The following HDAC9 variants were observed in gnomAD, a reference collection of about 807,000 sequenced individuals.
HDAC9 encodes the protein histone deacetylase 9, also known as MEF-2 interacting transcription repressor (MITR) protein.
A neutral mutation model predicts 139.4 loss-of-function variants in HDAC9; 41 were observed. The observed-to-expected ratio is 0.29, with a 90% CI of 0.23 to 0.38. The LOEUF (loss-of-function observed/expected upper bound fraction) is 0.38. HDAC9 is among the 10% of genes least tolerant of loss of function. HDAC9 has a pLI of 1.00. For synonymous variants in HDAC9, 517 were observed against 476.2 expected, an observed-to-expected ratio of 1.09 and a Z score of -1.12; for missense variants, 1,147 against 1,297.0, an observed-to-expected ratio of 0.88 and a Z score of 1.78.
intron 23 of HDAC9, among the ~76,000 whole-genome samples, chr7:18,943,730 A>G (rs576170710): frequency 5.0e-4 from 76 of 152,140 alleles, no homozygotes; most frequent in Non-Finnish European, 8.1e-4. Flanking sequence ...AATTCCTGCA[A>G]TATCTCATGT....
chr7:18,628,031 C>T (rs1456130346), intron 6 of HDAC9, among the ~76,000 whole-genome samples: 1 of 152,128 alleles, frequency 6.6e-6, no homozygotes, highest in African/African-American at 2.4e-5. Context: ...GTAAGTTCTA[C>T]CTTTGATATC....
chr7:18,206,209 A>G (rs975165442), intron 2 of HDAC9, among the ~76,000 whole-genome samples: 2 of 152,154 alleles, frequency 1.3e-5, no homozygotes, highest in African/African-American at 2.4e-5. Context: ...TGTAATTTCT[A>G]TCATTGCAGC....
At chr7:18,920,410 T>C (rs1057345283) in intron 22 of HDAC9, among the ~76,000 whole-genome samples, 1 of 152,136 alleles carries the variant, frequency 6.6e-6, no homozygotes, top group Non-Finnish European at 1.5e-5. Context: ...CAATGGGGTT[T>C]TCTAGATATA....
At chr7:18,321,814 C>T (rs1272766338) in intron 1 of HDAC9, among the ~76,000 whole-genome samples, 1 of 152,094 alleles carries the variant, frequency 6.6e-6, no homozygotes, top group Non-Finnish European at 1.5e-5. Context: ...TTGTTATCCA[C>T]TTCTTTTAAA....
intron 22 of HDAC9, among the ~76,000 whole-genome samples, chr7:18,904,424 A>G (rs1802012094): frequency 6.6e-6 from 1 of 152,178 alleles, no homozygotes; most frequent in Non-Finnish European, 1.5e-5. Context: ...ATAAAAGTTA[A>G]AATCTATATG....
At chr7:18,356,358 G>GGTTTTT (rs778753255) in intron 1 of HDAC9, among the ~76,000 whole-genome samples, 1 of 55,140 alleles carries the variant, frequency 1.8e-5, no homozygotes, top group Non-Finnish European at 3.1e-5. Flanking sequence ...CAGCACATAG[G>GGTTTTT]TTTTTTTTTT....
chr7:18,281,995 A>G (rs1213728747), intron 2 of HDAC9, among the ~76,000 whole-genome samples: 2 of 152,186 alleles, frequency 1.3e-5, no homozygotes, highest in Non-Finnish European at 2.9e-5. Context: ...TCTTGACTCA[A>G]TAGGATTATG....
chr7:18,427,336 G>T (rs1246682790), intron 1 of HDAC9, among the ~76,000 whole-genome samples: 2 of 152,056 alleles, frequency 1.3e-5, no homozygotes, highest in Non-Finnish European at 2.9e-5. Context: ...TCATTAGCAG[G>T]GGTAAGATGT....
chr7:18,872,041 C>T (rs1484448655), intron 21 of HDAC9, among the ~76,000 whole-genome samples: 1 of 152,098 alleles, frequency 6.6e-6, no homozygotes, highest in Non-Finnish European at 1.5e-5. Context: ...CTATGTAGTT[C>T]TTCAATGTAA....
intron 25 of HDAC9, among the ~76,000 whole-genome samples, chr7:18,976,291 T>G (rs1462965332): frequency 6.6e-6 from 1 of 152,216 alleles, no homozygotes; most frequent in East Asian, 1.9e-4. Context: ...CCTAGTTATC[T>G]CTGTTTTTCC....
chr7:18,253,406 C>G lies in HDAC9; in HGVS notation c.25+91057C>G, dbSNP rs367765233. Among the ~76,000 whole-genome samples the G allele has an allele frequency of 1.9e-4, 29 of 152,230 alleles. No homozygotes were observed. In the South Asian group the frequency reaches 5.0e-3, roughly 26 times the overall value. On this transcript the variant is annotated intron_variant, in intron 2 of 12. Coordinates refer to the HDAC9 transcript ENST00000417496. The stretch of plus-strand genomic sequence containing the variant: ...GCATTCCTTTTTCTCCAAAACGTTG[C>G]CAACACTTGTTATTTTTTAACTTTT...
At chr7:18,525,448 TTAAAA>T (rs1349331891) in intron 2 of HDAC9, among the ~76,000 whole-genome samples, 15 of 152,312 alleles carry the variant, frequency 9.8e-5, no homozygotes, top group African/African-American at 3.4e-4. Flanking sequence ...GTGAGTATTC[TTAAAA>T]TAAATATAAT....
intron 2 of HDAC9, among the ~76,000 whole-genome samples, chr7:18,575,843 A>G (rs1241184639): frequency 3.9e-5 from 6 of 152,178 alleles, no homozygotes; most frequent in African/African-American, 1.4e-4. Context: ...TTATTCATTC[A>G]TTCATTCATT....
intron 1 of HDAC9, among the ~76,000 whole-genome samples, chr7:18,393,729 C>G (rs983142255): frequency 1.3e-5 from 2 of 152,134 alleles, no homozygotes; most frequent in Non-Finnish European, 2.9e-5. Context: ...ATGCTGAAAG[C>G]TTAGGAAGCT....
rs183749882 is a variant in HDAC9 at position 18,791,747 on chromosome 7, G to A, written c.2215-1598G>A. 2.9e-4 allele frequency among the ~76,000 whole-genome samples: 44 copies of A among 152,302 alleles called. 1 individual carries two copies. Among genetic ancestry groups the A allele is most frequent in the South Asian group, 6.2e-4 (3 of 4,820 alleles). ...TTCAGAACAGCCTTTCTAAGCCACA[G>A]TGTACTCATTCAATCAACACGTAGG... On this transcript the variant is annotated intron_variant, in intron 16 of 25. Coordinates refer to ENST00000686413, the MANE Select transcript of HDAC9 (RefSeq NM_178425.4).
rs545574403 is a variant in HDAC9, at chr7:18,183,073, A to C, written c.25+20724A>C. On this transcript the variant is annotated intron_variant, in intron 2 of 12. Coordinates refer to the HDAC9 transcript ENST00000417496. ...TGCCCGTGCTGGAGTGCAGTGGCGC[A>C]ATCTCGGCTCACTGCAAGCTCCGCC... Among the ~76,000 whole-genome samples, 596 of 151,102 alleles carry C rather than the reference A, an allele frequency of 3.9e-3. 5 individuals are homozygous for C. Among genetic ancestry groups the C allele is most frequent in the African/African-American group, 0.013 (537 of 41,122 alleles).
intron 1 of HDAC9, among the ~76,000 whole-genome samples, chr7:18,306,192 A>G (rs1376061134): frequency 4.6e-5 from 7 of 152,308 alleles, no homozygotes; most frequent in Non-Finnish European, 1.0e-4. Flanking sequence ...ACACAGGGTG[A>G]GGAGCTGGGG....
At chr7:18,205,386 T>G (rs1791428555) in intron 2 of HDAC9, among the ~76,000 whole-genome samples, 1 of 151,978 alleles carries the variant, frequency 6.6e-6, no homozygotes. Flanking sequence ...ACATTGAGCT[T>G]CTCCTGTGTT....
At chr7:18,564,611 A>G (rs953930824) in intron 2 of HDAC9, among the ~76,000 whole-genome samples, 2 of 152,334 alleles carry the variant, frequency 1.3e-5, no homozygotes, top group South Asian at 4.1e-4. Context: ...TAGGAATAAT[A>G]TGCACTATAA....
Sources: gnomAD v4.1 joint callset for allele counts (sites outside exome capture counted in the v4.1 genomes callset) on GRCh38, gnomAD v4.1.1 for gene constraint, MANE v1.5 for transcripts, NCBI Gene and HGNC (gene_info 2026-07-23, HGNC 2026-07-21) for gene names.